The following PARG variants were observed in gnomAD, a reference collection of about 807,000 sequenced individuals.
PARG encodes mitochondrial poly(ADP-ribose) glycohydrolase.
PARG carries 35 observed loss-of-function variants against 113.0 expected under a neutral mutation model. The ratio of observed to expected loss-of-function variants is 0.31; its 90% CI spans 0.24 to 0.41. The LOEUF (loss-of-function observed/expected upper bound fraction) is 0.41. Ranked by LOEUF, PARG falls within the 10% of genes least tolerant of loss-of-function variation. The probability of loss-of-function intolerance (pLI) is 1.00; values close to 1 mark genes in which losing one functional copy is unlikely to be tolerated. For missense variants in PARG, 797 were observed against 1,169.4 expected, an observed-to-expected ratio of 0.68 and a Z score of 4.64; for synonymous variants, 330 against 409.9, an observed-to-expected ratio of 0.81 and a Z score of 2.36.
At chr10:49,931,216 T>C (rs1450185056) in intron 4 of PARG, among the ~76,000 whole-genome samples, 1 of 152,176 alleles carries the variant, frequency 6.6e-6, no homozygotes, top group Non-Finnish European at 1.5e-5. Flanking sequence ...TCTTTTGTTA[T>C]GTTTTGTTAC....
intron 1 of PARG, among the ~76,000 whole-genome samples, chr10:49,938,982 G>A (rs1838885451): frequency 1.3e-5 from 2 of 151,934 alleles, no homozygotes; most frequent in African/African-American, 4.8e-5. Flanking sequence ...TTAAACATGC[G>A]AAATACAGCC....
chr10:49,831,517 G>C (rs1431565915), intron 16 of PARG, among the ~76,000 whole-genome samples: 1 of 152,162 alleles, frequency 6.6e-6, no homozygotes, highest in Non-Finnish European at 1.5e-5. Flanking sequence ...TTCTGCTAAT[G>C]AGGCGATTCA....
intron 4 of PARG, among the ~76,000 whole-genome samples, chr10:49,927,868 A>G (rs1404648165): frequency 2.6e-5 from 4 of 151,426 alleles, no homozygotes; most frequent in Non-Finnish European, 4.4e-5. Flanking sequence ...AGGTGGGAGG[A>G]TTGCTTGAAC....
Position 49,819,511 on chromosome 10 carries a change from C to T in PARG, c.2777-17G>A, listed in dbSNP as rs150626746. 558 of 1,544,218 alleles carry T rather than the reference C, an allele frequency of 3.6e-4. 3 individuals are homozygous for T. The African/African-American group carries it at 7.2e-3, about 20-fold the overall frequency. On this transcript the variant is annotated splice_polypyrimidine_tract_variant and intron_variant, in intron 17 of 17. Coordinates refer to ENST00000616448, the MANE Select transcript of PARG (RefSeq NM_003631.5). Reference sequence around the variant, plus strand: ...ACACATCTCCTGGAGAGCAAAAGGTCAGACCAGAGGCACATTAAAGTATGT... The same window carrying T: ...ACACATCTCCTGGAGAGCAAAAGGTTAGACCAGAGGCACATTAAAGTATGT...
chr10:49,902,247 A>C (rs1408455795), intron 7 of PARG, among the ~76,000 whole-genome samples: 7 of 152,366 alleles, frequency 4.6e-5, no homozygotes, highest in African/African-American at 1.7e-4. Context: ...ATTCAACTGC[A>C]TCAGGCTACT....
intron 7 of PARG, among the ~76,000 whole-genome samples, chr10:49,891,615 ATATATATATTTT>A (rs1266248393): frequency 2.5e-4 from 16 of 63,182 alleles, no homozygotes; most frequent in African/African-American, 1.5e-3. Context: ...ATATATATAT[ATATATATATTTT>A]TTTTTTTTTT....
intron 15 of PARG, 72 bp downstream of exon 15, chr10:49,841,878 A>G (rs1845257986): frequency 1.1e-6 from 1 of 941,902 alleles, no homozygotes; most frequent in South Asian, 1.4e-5. Context: ...AGAAAGCATT[A>G]ATTTCAGCAT....
chr10:49,936,755 G>A (rs1451336385), intron 1 of PARG, among the ~76,000 whole-genome samples: 2 of 152,040 alleles, frequency 1.3e-5, no homozygotes, highest in African/African-American at 4.8e-5. Context: ...ACACCATATG[G>A]AGCAAAACAG....
chr10:49,888,740 T>A (rs377367118), intron 7 of PARG, among the ~76,000 whole-genome samples: 604 of 152,090 alleles, frequency 4.0e-3, no homozygotes, highest in East Asian at 0.016. Context: ...GTCAGCTTCT[T>A]GAATCTGTAG....
At chr10:49,865,811 G>A (rs1207111809) in intron 10 of PARG, among the ~76,000 whole-genome samples, 1 of 150,242 alleles carries the variant, frequency 6.7e-6, no homozygotes. Flanking sequence ...ACAAAGAAAG[G>A]ACTTAACCCT....
In PARG at chr10:49,891,614, TATATATA is replaced by T. The variant is rs1411412640; in HGVS notation, c.1738-6326_1738-6320del. ...CCATATATATATATATATATATATA[TATATATA>T]TATTTTTTTTTTTTTTTTTTTTTTT... On this transcript the variant is annotated intron_variant, in intron 7 of 17. Coordinates refer to ENST00000616448, the MANE Select transcript of PARG (RefSeq NM_003631.5). Among the ~76,000 whole-genome samples, 305 of 57,248 alleles carry T rather than the reference TATATATA, an allele frequency of 5.3e-3. 4 individuals carry two copies. The highest frequency in any genetic ancestry group is 7.7e-3 in the Non-Finnish European group (253 of 32,702). The allele number at this position is 57,248 out of a possible 152,430, so 37.6% of individuals were successfully genotyped here. A position where few individuals can be genotyped will look rare whatever the true frequency, so the allele number is the denominator to read the frequency against.
At chr10:49,899,418 A>G (rs1227981738) in intron 7 of PARG, among the ~76,000 whole-genome samples, 1 of 152,180 alleles carries the variant, frequency 6.6e-6, no homozygotes, top group Non-Finnish European at 1.5e-5. Context: ...TTACAAGAAA[A>G]CAAACTCACT....
At chr10:49,907,411 G>A (rs1414813325) in intron 7 of PARG, among the ~76,000 whole-genome samples, 1 of 152,034 alleles carries the variant, frequency 6.6e-6, no homozygotes, top group African/African-American at 2.4e-5. Flanking sequence ...TTAGTCTTTG[G>A]TAAACCACAG....
rs565188821 is a variant in PARG, at chr10:49,839,512, A to G, written c.2541+2438T>C. 2.0e-5 allele frequency among the ~76,000 whole-genome samples: 3 copies of G among 152,296 alleles called. No homozygotes were observed. In the South Asian group the frequency reaches 6.2e-4, roughly 32 times the overall value. On this transcript the variant is annotated intron_variant, in intron 15 of 17. Coordinates refer to ENST00000616448, the MANE Select transcript of PARG (RefSeq NM_003631.5). ...AAAACGCCCCTCATTAAGACTCTAT[A>G]TTCTATAAATAAATGTTCTTCCATG...
chr10:49,840,757 A>C (rs1845190370), intron 15 of PARG, among the ~76,000 whole-genome samples: 1 of 152,218 alleles, frequency 6.6e-6, no homozygotes, highest in Admixed American at 6.5e-5. Context: ...CTAAGTTGTA[A>C]GTGTAGTAAA....
chr10:49,823,409 G>A (rs1844202440), intron 16 of PARG, among the ~76,000 whole-genome samples: 1 of 152,026 alleles, frequency 6.6e-6, no homozygotes, highest in African/African-American at 2.4e-5. Context: ...ATATATGTAA[G>A]ACCCTAAAAT....
intron 16 of PARG, among the ~76,000 whole-genome samples, chr10:49,825,300 C>G (rs927453123): frequency 6.6e-6 from 1 of 152,172 alleles, no homozygotes; most frequent in East Asian, 1.9e-4. Flanking sequence ...AATACACTCT[C>G]TCTTCAAGAA....
At chr10:49,902,893 C>T (rs1264185519) in intron 7 of PARG, among the ~76,000 whole-genome samples, 3 of 151,104 alleles carry the variant, frequency 2.0e-5, no homozygotes, top group African/African-American at 7.3e-5. Flanking sequence ...AGTGCAATGG[C>T]GCGATCTCGG....
chr10:49,895,563 C>T (rs1848042096), intron 7 of PARG, among the ~76,000 whole-genome samples: 1 of 152,048 alleles, frequency 6.6e-6, no homozygotes, highest in Non-Finnish European at 1.5e-5. Context: ...GCCACCACGC[C>T]TGGCTAATTT....
Sources: gnomAD v4.1 joint callset for allele counts (sites outside exome capture counted in the v4.1 genomes callset) on GRCh38, gnomAD v4.1.1 for gene constraint, MANE v1.5 for transcripts, NCBI Gene and HGNC (gene_info 2026-07-23, HGNC 2026-07-21) for gene names.